GGA3: variants seen among roughly 807,000 people sequenced by gnomAD.
GGA3 encodes the protein golgi associated, gamma adaptin ear containing, ARF binding protein 3.
GGA3 carries 57 observed loss-of-function variants against 77.5 expected under a neutral mutation model. The ratio of observed to expected loss-of-function variants is 0.74; its 90% CI spans 0.59 to 0.92. The LOEUF is 0.92. Ranked by LOEUF, GGA3 falls within the 40% of genes least tolerant of loss-of-function variation. The pLI, the probability that GGA3 is intolerant of heterozygous loss-of-function variation, is 0.00. For synonymous variants in GGA3, 416 were observed against 383.7 expected (o/e 1.08, Z -0.98); for missense variants, 970 against 914.9 (o/e 1.06, Z -0.78).
At chr17:75,261,206 G>A (rs1415569149) in intron 1 of GGA3, among the ~76,000 whole-genome samples, 1 of 152,218 alleles carries the variant, frequency 6.6e-6, no homozygotes, top group African/African-American at 2.4e-5. Flanking sequence ...TGTCACCGCC[G>A]GGCGGCGACC....
intron 7 of GGA3, 141 bp from the exon 8 acceptor site, chr17:75,242,614 T>C (rs375244719): frequency 1.2e-5 from 12 of 1,002,970 alleles, no homozygotes; most frequent in African/African-American, 4.8e-5. Context: ...GCCCAGTCTA[T>C]ACTTCTGCTT....
At chr17:75,240,699 CT>C in intron 11 of GGA3, 112 bp downstream of exon 11, 1 of 1,229,982 alleles carries the variant, frequency 8.1e-7, no homozygotes, top group Non-Finnish European at 1.1e-6. Flanking sequence ...ACTCAGGGTT[CT>C]TTGCCCACCC....
At chr17:75,260,066 T>C (rs2077298889) in intron 1 of GGA3, among the ~76,000 whole-genome samples, 2 of 152,188 alleles carry the variant, frequency 1.3e-5, no homozygotes, top group South Asian at 4.1e-4. Flanking sequence ...GAAGACTTAT[T>C]TGAGCACAGG....
chr17:75,261,975 G>A (rs756952693), upstream of GGA3: 18 of 1,598,634 alleles, frequency 1.1e-5, no homozygotes, highest in Non-Finnish European at 1.3e-5. Flanking sequence ...CTGTCTTGCA[G>A]CTTCCAGGGT....
In GGA3 at chr17:75,243,048, C is replaced by T. The variant is rs201392584; in HGVS notation, c.528+15G>A. The T allele has an allele frequency of 6.3e-5, 100 of 1,589,826 alleles. No homozygotes were observed. Among genetic ancestry groups the T allele is most frequent in the Non-Finnish European group, 4.0e-5 (46 of 1,158,080 alleles). ...CTCTCGTATGAGAAAATCCCAGGCC[C>T]AGGGTGTCCTTTACCTTGGACTTCT... On this transcript the variant is annotated intron_variant, in intron 6 of 16. Coordinates refer to ENST00000537686, the MANE Select transcript of GGA3 (RefSeq NM_138619.4).
rs1310301973 is a variant in GGA3, at chr17:75,242,946, G to A, written c.529-35C>T. Reference sequence around the variant, plus strand: ...GAGGAAATCAGAGGTGAAGGGAAGAGGCAGCACCCGTACCCCAGGGAAACC... The same window carrying A: ...GAGGAAATCAGAGGTGAAGGGAAGAAGCAGCACCCGTACCCCAGGGAAACC... On this transcript the variant is annotated intron_variant, in intron 6 of 16. Transcript: ENST00000537686. The A allele has an allele frequency of 2.6e-6, 4 of 1,563,266 alleles. No individual in the cohort carries two copies. The South Asian group carries it at 4.4e-5, about 17-fold the overall frequency.
At chr17:75,242,247 C>A in intron 8 of GGA3, 89 bp downstream of exon 8, 2 of 1,368,654 alleles carry the variant, frequency 1.5e-6, no homozygotes, top group Non-Finnish European at 2.1e-6. Flanking sequence ...GCCCGTGTCT[C>A]TGACAAGGCA....
At chr17:75,256,035 C>T (rs2077140508) in intron 1 of GGA3, among the ~76,000 whole-genome samples, 1 of 152,186 alleles carries the variant, frequency 6.6e-6, no homozygotes, top group South Asian at 2.1e-4. Flanking sequence ...CACGTGCTCT[C>T]CCTGCTGATC....
Position 75,242,910 on chromosome 17 carries a change from A to C in GGA3, c.530T>G (p.Leu177Arg), listed in dbSNP as rs773562648. 6.2e-7 allele frequency: 1 copy of C among 1,612,912 alleles called. No individual in the cohort carries two copies. Among genetic ancestry groups the C allele is most frequent in the Non-Finnish European group, 8.5e-7 (1 of 1,178,870 alleles). Residue 177 changes from leucine to arginine, a missense_variant and splice_region_variant, in exon 7 of 17, where the codon CTT (leucine) becomes CGT (arginine). Physicochemically the swap from Leu to Arg is moderately radical, Grantham distance 102 (BLOSUM62 -2). Coordinates refer to ENST00000537686, the MANE Select transcript of GGA3 (RefSeq NM_138619.4). ...TTTGCTTTTCAGCAGCTTGGCTAAA[A>C]GCTGAGAGAGGAGGAAATCAGAGGT... ...PVFDDEEKSK[L>R]LAKLLKSKNP... is the part of the protein sequence containing the mutation.
In GGA3 at chr17:75,240,094, G is replaced by A. The variant is rs780235622; in HGVS notation, c.1278C>T (p.Asp426=). ...CCGGCCTGGGGCTGAAGAAGTCCAGGTCGGACTGTTCCCTCTATGAACAAC... is the reference window on the plus strand; with the variant it reads ...CCGGCCTGGGGCTGAAGAAGTCCAGATCGGACTGTTCCCTCTATGAACAAC... ...QWHLLQREQS[D]LDFFSPRPGT... is the part of the protein sequence containing the mutation. The change falls in exon 13 of 17, where the codon GAC becomes GAT. Residue 426 remains aspartate, a synonymous_variant. Transcript: ENST00000537686. 6.4e-5 allele frequency: 99 copies of A among 1,547,484 alleles called. 1 individual carries two copies. In the South Asian group the frequency reaches 1.2e-3, roughly 18 times the overall value.
At chr17:75,252,973 G>A (rs1253498707) in intron 1 of GGA3, among the ~76,000 whole-genome samples, 3 of 152,162 alleles carry the variant, frequency 2.0e-5, no homozygotes, top group South Asian at 2.1e-4. Context: ...GACTCAGCCC[G>A]CCTGCATCCA....
chr17:75,240,921 C>G lies in GGA3; in HGVS notation c.1083G>C (p.Gln361His). 1.2e-6 allele frequency: 2 copies of G among 1,613,710 alleles called. No individual in the cohort carries two copies. The highest frequency in any genetic ancestry group is 1.7e-6 in the Non-Finnish European group (2 of 1,179,862). The change falls in exon 11 of 17, where the codon CAG becomes CAC. Residue 361 changes from glutamine to histidine, a missense_variant. By Grantham distance (24) the Gln-to-His change is conservative. Coordinates refer to ENST00000537686, the MANE Select transcript of GGA3 (RefSeq NM_138619.4). ...AGCGGCTCCGTGGAGGTCCTGAGGC[C>G]TGGGGTGGTGGAGGGAGGATTGGGA... ...SGIPILPPPP[Q>H]ASGPPRSRSS...
At chr17:75,255,627 C>T (rs879239536) in intron 1 of GGA3, among the ~76,000 whole-genome samples, 1 of 152,240 alleles carries the variant, frequency 6.6e-6, no homozygotes, top group Non-Finnish European at 1.5e-5. Context: ...ACAGCATGGC[C>T]TTTTAAAGCC....
Position 75,243,091 on chromosome 17 carries a change from G to A in GGA3, c.500C>T (p.Pro167Leu), listed in dbSNP as rs752210133. Residue 167 changes from proline to leucine, a missense_variant, in exon 6 of 17, where the codon CCT (proline) becomes CTT (leucine). Transcript: ENST00000537686. ...IPSPPPRPKN[P>L]VFDDEEKSKL... ...GGACTTCTCCTCATCATCAAAAACAGGGTTTTTGGGACGAGGTGGTGGAGA... is the reference window on the plus strand; with the variant it reads ...GGACTTCTCCTCATCATCAAAAACAAGGTTTTTGGGACGAGGTGGTGGAGA... 4.3e-6 allele frequency: 7 copies of A among 1,613,258 alleles called. No individual in the cohort carries two copies. Among genetic ancestry groups the A allele is most frequent in the Non-Finnish European group, 5.1e-6 (6 of 1,179,440 alleles).
At chr17:75,262,076 T>C (rs2077408349), upstream of GGA3, 1 of 1,436,060 alleles carries the variant, frequency 7.0e-7, no homozygotes, top group South Asian at 1.2e-5. Context: ...AGCATTGCCC[T>C]GGGGGCCGGA....
chr17:75,240,681 T>C (rs554923776), intron 11 of GGA3, 131 bp downstream of exon 11: 4 of 1,054,538 alleles, frequency 3.8e-6, no homozygotes, highest in Admixed American at 5.6e-5. Flanking sequence ...CTTCACTGAG[T>C]ACCTCCAACT....
At position 75,240,956 on chromosome 17, in the gene GGA3, A is replaced by C; in HGVS notation, c.1048T>G (p.Ser350Ala). 1 of 1,613,990 alleles carries C rather than the reference A, an allele frequency of 6.2e-7. No homozygotes were observed. The highest frequency in any genetic ancestry group is 8.5e-7 in the Non-Finnish European group (1 of 1,179,948). ...GGAGGGAGGATTGGGATGCCTGAGGAGGGTGGAGTAGGTGCTGGGGCCAAC... is the reference window on the plus strand; with the variant it reads ...GGAGGGAGGATTGGGATGCCTGAGGCGGGTGGAGTAGGTGCTGGGGCCAAC... ...SVLAPAPTPP[S>A]SGIPILPPPP... Residue 350 changes from serine to alanine, a missense_variant, in exon 11 of 17, where the codon TCC (serine) becomes GCC (alanine). By Grantham distance (99) the Ser-to-Ala change is moderately conservative. Transcript: ENST00000537686.
chr17:75,236,820 T>C lies in GGA3; in HGVS notation c.*1459A>G, dbSNP rs140202245. 3 of 153,892 alleles carry C rather than the reference T, an allele frequency of 1.9e-5. No homozygotes were observed. Among genetic ancestry groups the C allele is most frequent in the East Asian group, 1.9e-4 (1 of 5,200 alleles). 9.5% of individuals were successfully genotyped at this position (153,892 alleles called of 1,614,324 possible). A position where few individuals can be genotyped will look rare whatever the true frequency, so the allele number is the denominator to read the frequency against. Reference sequence around the variant, plus strand: ...AGTCTCTGGAAAGCTCTTGGATTTATTCCTTAAGTAGTGAAAAATGATTCA... The same window carrying C: ...AGTCTCTGGAAAGCTCTTGGATTTACTCCTTAAGTAGTGAAAAATGATTCA... On this transcript the variant is annotated 3_prime_UTR_variant, in exon 17 of 17. Transcript: ENST00000537686.
intron 10 of GGA3, 120 bp downstream of exon 10, chr17:75,241,280 A>G: frequency 1.3e-6 from 1 of 787,344 alleles, no homozygotes. Context: ...TTGGAATGGC[A>G]AAGAACTCCC....
Sources: allele counts gnomAD v4.1 joint callset (sites outside exome capture counted in the v4.1 genomes callset), GRCh38; gene constraint gnomAD v4.1.1; transcripts MANE v1.5; gene names NCBI Gene and HGNC (gene_info 2026-07-23, HGNC 2026-07-21).